Variants in PIK3R4 observed in about 807,000 individuals in gnomAD.
PIK3R4 encodes phosphoinositide-3-kinase regulatory subunit 4.
Under a neutral mutation model 136.5 loss-of-function variants are expected in PIK3R4, and 46 were observed. The ratio of observed to expected loss-of-function variants is 0.34; its 90% CI spans 0.27 to 0.43. The LOEUF is 0.43. Among genes scored for constraint, PIK3R4 ranks in the 20% least tolerant of loss-of-function variants. The pLI, the probability that PIK3R4 is intolerant of heterozygous loss-of-function variation, is 1.00. For synonymous variants in PIK3R4, 557 were observed against 566.7 expected, an observed-to-expected ratio of 0.98 and a Z score of 0.24; for missense variants, 1,331 against 1,649.5, an observed-to-expected ratio of 0.81 and a Z score of 3.35.
intron 19 of PIK3R4, among the ~76,000 whole-genome samples, chr3:130,679,852 T>C (rs865889671): frequency 1.3e-5 from 2 of 151,744 alleles, no homozygotes; most frequent in South Asian, 4.2e-4. Flanking sequence ...CCAAGGCGGG[T>C]GGATCACAAG....
chr3:130,707,116 T>A lies in PIK3R4; in HGVS notation c.2553A>T (p.Gln851His). ...DDKRARKHVK[Q>H]DSNVNEEWKS... ...TCCATTCTTCATTTACATTTGAGTC[T>A]TGTTTTACATGTTTTCTGGCTATGA... The change falls in exon 11 of 20, where the codon CAA (glutamine) becomes CAT (histidine). Residue 851 changes from glutamine (Q) to histidine (H), a missense_variant. By Grantham distance (24) the Gln-to-His change is conservative. Coordinates refer to ENST00000356763, the MANE Select transcript of PIK3R4 (RefSeq NM_014602.3). 1.2e-6 allele frequency: 2 copies of A among 1,605,232 alleles called. No homozygotes were observed. Among genetic ancestry groups the A allele is most frequent in the Middle Eastern group, 1.9e-4 (1 of 5,174 alleles).
At chr3:130,708,082 T>C (rs1304440248) in intron 10 of PIK3R4, among the ~76,000 whole-genome samples, 4 of 152,216 alleles carry the variant, frequency 2.6e-5, no homozygotes, top group African/African-American at 9.6e-5. Context: ...CATACAGAGC[T>C]GTGATTCTGG....
At chr3:130,701,415 G>C (rs2066573647) in intron 13 of PIK3R4, among the ~76,000 whole-genome samples, 1 of 152,064 alleles carries the variant, frequency 6.6e-6, no homozygotes, top group Non-Finnish European at 1.5e-5. Flanking sequence ...TGGAGGCTGA[G>C]GCAGGAGAAT....
rs1428310865 is a variant in PIK3R4 at position 130,716,487 on chromosome 3, A to G, written c.2240T>C (p.Met747Thr). Residue 747 changes from methionine to threonine, a missense_variant, in exon 9 of 20, where the codon ATG becomes ACG. By Grantham distance (81) the Met-to-Thr change is moderately conservative. This residue lies in a region of PIK3R4 where 1,180 missense variants were observed against 1,407.0 expected (regional missense o/e 0.84). Transcript: ENST00000356763. ...AGAACCATTTCGTTTCTTCTGACGCATGTGAAGATGTCTGAACAAGCTAGT... is the reference window on the plus strand; with the variant it reads ...AGAACCATTTCGTTTCTTCTGACGCGTGTGAAGATGTCTGAACAAGCTAGT... ...DITSLFRHLH[M>T]RQKKRNGSLP... The G allele has an allele frequency of 8.1e-6, 13 of 1,613,754 alleles. No individual in the cohort carries two copies. The highest frequency in any genetic ancestry group is 2.7e-5 in the African/African-American group (2 of 74,930).
chr3:130,736,386 T>G (rs1249398158), intron 2 of PIK3R4, among the ~76,000 whole-genome samples: 2 of 152,110 alleles, frequency 1.3e-5, no homozygotes, highest in Non-Finnish European at 2.9e-5. Flanking sequence ...CTGGTCAACA[T>G]GATGAAAGCC....
rs546328396 is a variant in PIK3R4, at chr3:130,695,876, C to G, written c.3099-5222G>C. Among the ~76,000 whole-genome samples, 8 of 152,230 alleles carry G rather than the reference C, an allele frequency of 5.3e-5. No homozygotes were observed. The South Asian group carries it at 1.7e-3, about 32-fold the overall frequency. On this transcript the variant is annotated intron_variant, in intron 13 of 19. Coordinates refer to ENST00000356763, the MANE Select transcript of PIK3R4 (RefSeq NM_014602.3). The stretch of plus-strand genomic sequence containing the variant: ...CACATAATGGAGAACTATTGTAATT[C>G]TTTAAACCTTTGGTAGAATACACCA...
intron 11 of PIK3R4, 59 bp from the exon 12 acceptor site, chr3:130,705,830 G>A: frequency 1.1e-6 from 1 of 944,930 alleles, no homozygotes; most frequent in Non-Finnish European, 1.7e-6. Context: ...TTTGAAGACA[G>A]AAGTGTATGC....
intron 12 of PIK3R4, among the ~76,000 whole-genome samples, chr3:130,704,097 T>TTAA (rs1295857011): frequency 6.6e-6 from 1 of 152,148 alleles, no homozygotes; most frequent in Admixed American, 6.5e-5. Context: ...TAAGTGTTGC[T>TTAA]TAAATAGCTT....
At chr3:130,708,622 C>T (rs2066618232) in intron 9 of PIK3R4, 130 bp from the exon 10 acceptor site, 1 of 715,986 alleles carries the variant, frequency 1.4e-6, no homozygotes, top group African/African-American at 1.8e-5. Context: ...GGTGAAACAA[C>T]CAAGTCCAAG....
At chr3:130,740,685 G>A (rs563102476) in intron 2 of PIK3R4, among the ~76,000 whole-genome samples, 10 of 151,992 alleles carry the variant, frequency 6.6e-5, no homozygotes, top group East Asian at 1.9e-4. Flanking sequence ...AGCCAAGATC[G>A]CGCCACTGCA....
At chr3:130,680,365 A>G (rs1388525868) in intron 19 of PIK3R4, among the ~76,000 whole-genome samples, 2 of 152,224 alleles carry the variant, frequency 1.3e-5, no homozygotes, top group Admixed American at 1.3e-4. Context: ...GAGGATAATA[A>G]AAGTGCTTCC....
intron 13 of PIK3R4, among the ~76,000 whole-genome samples, chr3:130,697,382 C>G (rs2066552313): frequency 6.6e-6 from 1 of 152,078 alleles, no homozygotes; most frequent in African/African-American, 2.4e-5. Flanking sequence ...CTAGCTCTTT[C>G]TTAGGTACTA....
In PIK3R4 at chr3:130,713,866, G is replaced by A. The variant is rs113812968; in HGVS notation, c.2331+2530C>T. 7.8e-3 allele frequency among the ~76,000 whole-genome samples: 1,189 copies of A among 152,202 alleles called. 15 individuals are homozygous for A. The highest frequency in any genetic ancestry group is 0.027 in the African/African-American group (1,116 of 41,524). ...TTTTTGGATTTTTAGTAGAGACAGC[G>A]TTTCACCATGTCAGCTAGGCTGGTC... On this transcript the variant is annotated intron_variant, in intron 9 of 19. Transcript: ENST00000356763.
At chr3:130,682,836 G>T (rs1459180983) in intron 16 of PIK3R4, among the ~76,000 whole-genome samples, 1 of 152,130 alleles carries the variant, frequency 6.6e-6, no homozygotes, top group African/African-American at 2.4e-5. Flanking sequence ...GGTGATAAGG[G>T]TCAGAGAGGT....
intron 7 of PIK3R4, among the ~76,000 whole-genome samples, chr3:130,719,836 C>T (rs887412462): frequency 1.3e-5 from 2 of 152,132 alleles, no homozygotes; most frequent in East Asian, 3.8e-4. Context: ...ATGAATATTA[C>T]GACAAACAGG....
At chr3:130,691,672 T>C (rs1387043276) in intron 13 of PIK3R4, among the ~76,000 whole-genome samples, 1 of 152,156 alleles carries the variant, frequency 6.6e-6, no homozygotes, top group Non-Finnish European at 1.5e-5. Flanking sequence ...TTTATTTCAC[T>C]TTATTATAAA....
intron 13 of PIK3R4, among the ~76,000 whole-genome samples, chr3:130,691,210 A>G (rs770513926): frequency 6.6e-6 from 1 of 151,980 alleles, no homozygotes; most frequent in Non-Finnish European, 1.5e-5. Context: ...TATACCCTTC[A>G]GTTATTCTAT....
At chr3:130,741,766 A>T (rs2107623139) in intron 2 of PIK3R4, among the ~76,000 whole-genome samples, 1 of 152,330 alleles carries the variant, frequency 6.6e-6, no homozygotes, top group Middle Eastern at 3.4e-3. Context: ...CATAATGGCA[A>T]AAGCTTAGTC....
Position 130,679,101 on chromosome 3 carries a change from T to C in PIK3R4, c.*214A>G. ...CATATACAATAAAAATCCCAGACATTGTTGGCTGGCTGATTCTTGCAAAGA... is the reference window on the plus strand; with the variant it reads ...CATATACAATAAAAATCCCAGACATCGTTGGCTGGCTGATTCTTGCAAAGA... On this transcript the variant is annotated 3_prime_UTR_variant, in exon 20 of 20. Transcript: ENST00000356763. 5 of 322,476 alleles carry C rather than the reference T, an allele frequency of 1.6e-5. No individual in the cohort carries two copies. In the Admixed American group the frequency reaches 1.9e-4, roughly 12 times the overall value. The allele number at this position is 322,476 out of a possible 1,614,324, so 20.0% of individuals were successfully genotyped here. A position where few individuals can be genotyped will look rare whatever the true frequency, so the allele number is the denominator to read the frequency against.
Sources: gnomAD v4.1 joint callset for allele counts (sites outside exome capture counted in the v4.1 genomes callset) on GRCh38, gnomAD v4.1.1 for gene constraint, gnomAD v4.1.1 regional missense constraint, MANE v1.5 for transcripts, NCBI Gene and HGNC (gene_info 2026-07-23, HGNC 2026-07-21) for gene names.